Variants in TRUB1 observed in about 807,000 individuals in gnomAD.
The protein encoded by TRUB1 is pseudouridylate synthase TRUB1.
TRUB1 carries 23 observed loss-of-function variants against 33.9 expected under a neutral mutation model. That is an observed-to-expected ratio of 0.68 (90% CI 0.49 to 0.96). The LOEUF (loss-of-function observed/expected upper bound fraction) is 0.96, where lower values mean the gene tolerates loss of function less well. TRUB1 is among the 40% of genes least tolerant of loss of function. TRUB1 has a pLI of 0.00. For missense variants in TRUB1, 378 were observed against 422.2 expected (o/e 0.90, Z 0.92); for synonymous variants, 163 against 165.4 (o/e 0.99, Z 0.11).
Position 114,975,512 on chromosome 10 carries a change from T to C in TRUB1, c.*133T>C. Reference sequence around the variant, plus strand: ...TGCATGAAGAAAAATGTCTATCATTTACAGTTTCAATAGCACATAATTTAT... The same window carrying C: ...TGCATGAAGAAAAATGTCTATCATTCACAGTTTCAATAGCACATAATTTAT... On this transcript the variant is annotated 3_prime_UTR_variant, in exon 8 of 8. Transcript: ENST00000298746. 2 of 902,092 alleles carry C rather than the reference T, an allele frequency of 2.2e-6. No homozygotes were observed. The highest frequency in any genetic ancestry group is 3.2e-6 in the Non-Finnish European group (2 of 621,200). 55.9% of individuals were successfully genotyped at this position (902,092 alleles called of 1,614,324 possible).
Position 114,975,478 on chromosome 10 carries a change from T to G in TRUB1, c.*99T>G. The G allele has an allele frequency of 8.7e-7, 1 of 1,142,948 alleles. No individual in the cohort carries two copies. The highest frequency in any genetic ancestry group is 1.2e-6 in the Non-Finnish European group (1 of 845,942). The allele number at this position is 1,142,948 out of a possible 1,614,324, so 70.8% of individuals were successfully genotyped here. ...ATTCAAAAGACAAACAATATGTCTTTTTTTTTTTTGCATGAAGAAAAATGT... is the reference window on the plus strand; with the variant it reads ...ATTCAAAAGACAAACAATATGTCTTGTTTTTTTTTGCATGAAGAAAAATGT... On this transcript the variant is annotated 3_prime_UTR_variant, in exon 8 of 8. Coordinates refer to ENST00000298746, the MANE Select transcript of TRUB1 (RefSeq NM_139169.5).
chr10:114,942,690 C>G lies in TRUB1; in HGVS notation c.332C>G (p.Thr111Ser), dbSNP rs1338606647. The G allele has an allele frequency of 1.4e-5, 22 of 1,613,960 alleles. No homozygotes were observed. Among genetic ancestry groups the G allele is most frequent in the Non-Finnish European group, 1.8e-5 (21 of 1,179,992 alleles). Reference protein sequence around the residue: ...SPEWTKRKKQTLKIGHGGTLD... With the variant: ...SPEWTKRKKQSLKIGHGGTLD... ...GAATGGACCAAGAGGAAAAAGCAGA[C>G]TTTGAAAATTGGGCATGGAGGGACT... is the stretch of plus-strand genomic sequence containing the variant. The change falls in exon 2 of 8, where the codon ACT becomes AGT. Residue 111 changes from threonine (T) to serine (S), a missense_variant. Physicochemically the swap from Thr to Ser is moderately conservative, Grantham distance 58. Transcript: ENST00000298746.
chr10:114,939,684 C>T (rs749798512), intron 1 of TRUB1, among the ~76,000 whole-genome samples: 3 of 152,094 alleles, frequency 2.0e-5, no homozygotes, highest in Non-Finnish European at 2.9e-5. Context: ...TGCTTTGTTG[C>T]CTGAAAGTAT....
intron 4 of TRUB1, among the ~76,000 whole-genome samples, chr10:114,966,658 A>T (rs562721428): frequency 6.6e-6 from 1 of 152,158 alleles, no homozygotes; most frequent in Admixed American, 6.5e-5. Flanking sequence ...TTTTATAGCC[A>T]TATTTTTGTA....
intron 2 of TRUB1, 91 bp from the exon 3 acceptor site, chr10:114,951,002 TA>T: frequency 1.8e-6 from 2 of 1,103,644 alleles, no homozygotes; most frequent in Non-Finnish European, 2.7e-6. Flanking sequence ...TCACATTACC[TA>T]AGCTGGGAAA....
At chr10:114,959,985 GAAT>G (rs1300507014) in intron 4 of TRUB1, 178 bp downstream of exon 4, 4 of 547,834 alleles carry the variant, frequency 7.3e-6, no homozygotes, top group African/African-American at 5.9e-5. Context: ...AGGAGTTTTT[GAAT>G]AAAGATTTAT....
At chr10:114,940,011 C>T (rs946582018) in intron 1 of TRUB1, among the ~76,000 whole-genome samples, 1 of 152,022 alleles carries the variant, frequency 6.6e-6, no homozygotes, top group African/African-American at 2.4e-5. Flanking sequence ...TTCTCATTAT[C>T]CTCGATTTCT....
intron 4 of TRUB1, among the ~76,000 whole-genome samples, chr10:114,961,455 A>C (rs1038884908): frequency 2.6e-5 from 4 of 152,174 alleles, no homozygotes; most frequent in African/African-American, 9.6e-5. Flanking sequence ...GAAGGGGCCC[A>C]GGGTGACAAA....
intron 4 of TRUB1, among the ~76,000 whole-genome samples, chr10:114,962,012 G>C (rs1223551378): frequency 1.3e-5 from 2 of 152,184 alleles, no homozygotes; most frequent in Non-Finnish European, 2.9e-5. Flanking sequence ...GTAGTAAATG[G>C]AATATAAGTA....
intron 6 of TRUB1, among the ~76,000 whole-genome samples, chr10:114,973,715 C>A (rs551632747): frequency 6.6e-5 from 10 of 152,136 alleles, no homozygotes; most frequent in Non-Finnish European, 4.4e-5. Context: ...ACATTCAGTT[C>A]TGGGACATTG....
At chr10:114,945,585 T>C (rs2084207741) in intron 2 of TRUB1, among the ~76,000 whole-genome samples, 1 of 152,246 alleles carries the variant, frequency 6.6e-6, no homozygotes, top group African/African-American at 2.4e-5. Context: ...TTGTCCAACC[T>C]TTGGCCTGTG....
At chr10:114,972,369 T>G (rs2084340940) in intron 6 of TRUB1, 95 bp downstream of exon 6, 1 of 1,362,292 alleles carries the variant, frequency 7.3e-7, no homozygotes, top group Admixed American at 2.6e-5. Flanking sequence ...CGTAGGATGT[T>G]GGAGATTTTT....
At chr10:114,942,800 A>C (rs1592047806) in intron 2 of TRUB1, 57 bp downstream of exon 2, 2 of 1,134,914 alleles carry the variant, frequency 1.8e-6, no homozygotes, top group East Asian at 4.7e-5. Context: ...AGAAAGAAAC[A>C]CTGGTTGAGA....
intron 4 of TRUB1, among the ~76,000 whole-genome samples, chr10:114,968,411 A>AT (rs1317402515): frequency 6.6e-6 from 1 of 152,214 alleles, no homozygotes; most frequent in Non-Finnish European, 1.5e-5. Flanking sequence ...GTTGTTAACT[A>AT]TTGCAATTTT....
chr10:114,968,734 G>C (rs1412727118), intron 4 of TRUB1, among the ~76,000 whole-genome samples: 1 of 152,126 alleles, frequency 6.6e-6, no homozygotes, highest in African/African-American at 2.4e-5. Context: ...TTTGTGTTTA[G>C]CTTTTAAGGG....
At chr10:114,945,759 C>T (rs1008325200) in intron 2 of TRUB1, among the ~76,000 whole-genome samples, 1 of 151,906 alleles carries the variant, frequency 6.6e-6, no homozygotes, top group Non-Finnish European at 1.5e-5. Context: ...TCATTGTGAC[C>T]CAGGGAAGCC....
chr10:114,956,207 T>C (rs1273310384), intron 3 of TRUB1, among the ~76,000 whole-genome samples: 4 of 151,996 alleles, frequency 2.6e-5, no homozygotes, highest in African/African-American at 9.7e-5. Context: ...TCCCAGAGAG[T>C]ACACAGGTCA....
chr10:114,971,543 C>T (rs1045529100), intron 5 of TRUB1, among the ~76,000 whole-genome samples: 3 of 143,760 alleles, frequency 2.1e-5, no homozygotes, highest in Admixed American at 6.8e-5. Flanking sequence ...TCTGCATAAA[C>T]GTTATTTTGG....
intron 6 of TRUB1, among the ~76,000 whole-genome samples, chr10:114,973,098 A>G (rs1304549824): frequency 1.3e-5 from 2 of 151,930 alleles, no homozygotes; most frequent in Non-Finnish European, 2.9e-5. Context: ...TATTGGCATT[A>G]TTGTTTTATC....
Sources: gnomAD v4.1 joint callset for allele counts (sites outside exome capture counted in the v4.1 genomes callset) on GRCh38, gnomAD v4.1.1 for gene constraint, MANE v1.5 for transcripts, NCBI Gene and HGNC (gene_info 2026-07-23, HGNC 2026-07-21) for gene names.